GRID1: variants seen among roughly 807,000 people sequenced by gnomAD.
The protein encoded by GRID1 is glutamate ionotropic receptor delta type subunit 1, also known as glutamate receptor ionotropic, delta-1.
GRID1 carries 28 observed loss-of-function variants against 98.0 expected under a neutral mutation model. That is an observed-to-expected ratio of 0.29 (90% CI 0.21 to 0.39). The LOEUF (loss-of-function observed/expected upper bound fraction) is 0.39, where lower values mean the gene tolerates loss of function less well. GRID1 is among the 10% of genes least tolerant of loss of function. The pLI is 1.00. For missense variants in GRID1, 1,111 were observed against 1,340.5 expected, an observed-to-expected ratio of 0.83 and a Z score of 2.67; for synonymous variants, 553 against 538.5, an observed-to-expected ratio of 1.03 and a Z score of -0.37.
Position 86,281,180 on chromosome 10 carries a change from G to A in GRID1, c.236-74532C>T, listed in dbSNP as rs184154630. 3.9e-5 allele frequency among the ~76,000 whole-genome samples: 6 copies of A among 152,356 alleles called. No homozygotes were observed. In the East Asian group the frequency reaches 5.8e-4, roughly 15 times the overall value. On this transcript the variant is annotated intron_variant, in intron 2 of 15. Transcript: ENST00000327946. ...GAAACCATTGGTAAGTGTTGGAAGA[G>A]GGGGGAGGAAGTGGCTTCATCTGGA...
intron 8 of GRID1, among the ~76,000 whole-genome samples, chr10:85,851,737 G>A (rs1402682146): frequency 2.6e-5 from 4 of 152,080 alleles, no homozygotes. Flanking sequence ...CTAGGAGTCT[G>A]CCCAGTCGGC....
rs78243685 is a variant in GRID1, at chr10:85,876,373, T to C, written c.781-7193A>G. The stretch of plus-strand genomic sequence containing the variant: ...TCCAAGCTCTGCCTCTGTGGTTGCA[T>C]CACCTCTTCTTCTTTCATACAGTCA... On this transcript the variant is annotated intron_variant, in intron 5 of 15. Coordinates refer to ENST00000327946, the MANE Select transcript of GRID1 (RefSeq NM_017551.3). Among the ~76,000 whole-genome samples, 980 of 152,260 alleles carry C rather than the reference T, an allele frequency of 6.4e-3. 30 individuals carry two copies. Among genetic ancestry groups the C allele is most frequent in the Admixed American group, 0.051 (780 of 15,292 alleles).
chr10:86,262,519 C>A (rs1870159), intron 2 of GRID1, among the ~76,000 whole-genome samples: 6,035 of 152,264 alleles, frequency 0.04, 236 homozygotes, highest in Admixed American at 0.11. Flanking sequence ...GGCATGGATG[C>A]TGGCAGAGGG....
At chr10:85,930,055 A>G (rs1311363241) in intron 4 of GRID1, among the ~76,000 whole-genome samples, 2 of 152,222 alleles carry the variant, frequency 1.3e-5, no homozygotes, top group East Asian at 1.9e-4. Context: ...ATAGTAGACT[A>G]TGATTATATT....
intron 4 of GRID1, among the ~76,000 whole-genome samples, chr10:86,059,130 C>A (rs1301041703): frequency 6.6e-6 from 1 of 152,154 alleles, no homozygotes; most frequent in Non-Finnish European, 1.5e-5. Flanking sequence ...ACAAAGCGGA[C>A]CCATGGAGGA....
intron 4 of GRID1, among the ~76,000 whole-genome samples, chr10:86,126,759 C>T (rs1844760802): frequency 6.6e-6 from 1 of 152,194 alleles, no homozygotes; most frequent in African/African-American, 2.4e-5. Context: ...AAATTTCTGG[C>T]TCCTCTTGAG....
At chr10:85,908,173 A>C (rs1482739262) in intron 5 of GRID1, among the ~76,000 whole-genome samples, 1 of 152,212 alleles carries the variant, frequency 6.6e-6, no homozygotes, top group East Asian at 1.9e-4. Context: ...TGGAGGTACT[A>C]ATCAGTGCAA....
intron 12 of GRID1, among the ~76,000 whole-genome samples, chr10:85,702,689 T>A (rs1010192429): frequency 1.3e-5 from 2 of 148,976 alleles, no homozygotes; most frequent in Non-Finnish European, 3.0e-5. Flanking sequence ...GAGAAAAAAG[T>A]GGAAGAGGAA....
At position 86,198,163 on chromosome 10, in the gene GRID1, G is replaced by A. The variant is rs140474822; in HGVS notation, c.520+8201C>T. On this transcript the variant is annotated intron_variant, in intron 3 of 15. Coordinates refer to ENST00000327946, the MANE Select transcript of GRID1 (RefSeq NM_017551.3). The stretch of plus-strand genomic sequence containing the variant: ...TTTACTTCAGGAAGACTCTGGGGGT[G>A]AGATCCCGACAGATATTTTCTATGA... Among the ~76,000 whole-genome samples the A allele has an allele frequency of 5.3e-5, 8 of 152,208 alleles. No homozygotes were observed. In the East Asian group the frequency reaches 1.3e-3, roughly 26 times the overall value.
chr10:85,766,212 A>T (rs1306606991), intron 8 of GRID1, among the ~76,000 whole-genome samples: 1 of 152,270 alleles, frequency 6.6e-6, no homozygotes, highest in South Asian at 2.1e-4. Flanking sequence ...GGGACTGGGC[A>T]CAGTGGCTCA....
At chr10:86,144,100 G>A (rs117484959) in intron 3 of GRID1, among the ~76,000 whole-genome samples, 3,937 of 152,300 alleles carry the variant, frequency 0.026, 72 homozygotes, top group Non-Finnish European at 0.039. Flanking sequence ...AACCCCTGGG[G>A]TTCTTTATCG....
In GRID1 at chr10:85,603,473, G is replaced by A. The variant is rs894797333; in HGVS notation, c.2602-772C>T. On this transcript the variant is annotated intron_variant, in intron 15 of 15. Coordinates refer to ENST00000327946, the MANE Select transcript of GRID1 (RefSeq NM_017551.3). ...ACCTGATACTGTCTCACCACAGTGG[G>A]TGATATCACAGGAAATTACTTGGCT... Among the ~76,000 whole-genome samples, 10 of 152,342 alleles carry A rather than the reference G, an allele frequency of 6.6e-5. No individual in the cohort carries two copies. The South Asian group carries it at 2.1e-3, about 32-fold the overall frequency.
At chr10:86,268,926 G>A (rs560337352) in intron 2 of GRID1, among the ~76,000 whole-genome samples, 2 of 150,416 alleles carry the variant, frequency 1.3e-5, no homozygotes, top group Non-Finnish European at 3.0e-5. Flanking sequence ...TGAGGCGGAG[G>A]TTGCAGTGAG....
chr10:85,917,953 T>C (rs988909984), intron 4 of GRID1, among the ~76,000 whole-genome samples: 3 of 152,226 alleles, frequency 2.0e-5, no homozygotes, highest in East Asian at 1.9e-4. Context: ...GCCTCTCTCC[T>C]GTCAACATGC....
Position 86,236,618 on chromosome 10 carries a change from C to T in GRID1, c.236-29970G>A, listed in dbSNP as rs7068277. Among the ~76,000 whole-genome samples the T allele has an allele frequency of 3.4e-3, 518 of 152,308 alleles. 1 individual carries two copies. Among genetic ancestry groups the T allele is most frequent in the African/African-American group, 0.011 (465 of 41,564 alleles). On this transcript the variant is annotated intron_variant, in intron 2 of 15. Coordinates refer to ENST00000327946, the MANE Select transcript of GRID1 (RefSeq NM_017551.3). ...TGTTCCCTCCACCACCTGCATACAT[C>T]ATCAATGACACTAGCTCCAGTCTTC... is the stretch of plus-strand genomic sequence containing the variant.
At chr10:86,219,710 T>C (rs1172011047) in intron 2 of GRID1, among the ~76,000 whole-genome samples, 1 of 152,170 alleles carries the variant, frequency 6.6e-6, no homozygotes, top group Non-Finnish European at 1.5e-5. Context: ...GTTCTTTATA[T>C]CTTTCTTGTG....
intron 12 of GRID1, among the ~76,000 whole-genome samples, chr10:85,689,381 T>C (rs1841307458): frequency 1.3e-5 from 2 of 150,828 alleles, no homozygotes; most frequent in African/African-American, 2.4e-5. Flanking sequence ...GAAAACAGGA[T>C]AAATTGTAAG....
intron 4 of GRID1, among the ~76,000 whole-genome samples, chr10:85,994,657 CA>C (rs1451597974): frequency 6.6e-6 from 1 of 152,186 alleles, no homozygotes; most frequent in African/African-American, 2.4e-5. Context: ...CGTGATTACG[CA>C]GTTGTGGCAG....
At chr10:86,355,661 G>A (rs1456493875) in intron 2 of GRID1, among the ~76,000 whole-genome samples, 8 of 152,366 alleles carry the variant, frequency 5.3e-5, no homozygotes, top group Admixed American at 2.0e-4. Context: ...TTCTTCAACC[G>A]TGGCCATCTG....
Sources: allele counts gnomAD v4.1 joint callset (sites outside exome capture counted in the v4.1 genomes callset), GRCh38; gene constraint gnomAD v4.1.1; transcripts MANE v1.5; gene names NCBI Gene and HGNC (gene_info 2026-07-23, HGNC 2026-07-21).